The following CACNA1E variants were observed in gnomAD, a reference collection of about 807,000 sequenced individuals.
The protein encoded by CACNA1E is calcium voltage-gated channel subunit alpha1 E.
In CACNA1E, 40 loss-of-function variants were observed where a neutral mutation model predicts 259.2. The observed-to-expected ratio is 0.15, with a 90% confidence interval of 0.12 to 0.20. The LOEUF is 0.20. Among genes scored for constraint, CACNA1E ranks in the 10% least tolerant of loss-of-function variants. The pLI is 1.00. For synonymous variants in CACNA1E, 1,104 were observed against 1,138.5 expected (o/e 0.97, Z 0.61); for missense variants, 1,874 against 3,040.1 (o/e 0.62, Z 9.02).
intron 1 of CACNA1E, among the ~76,000 whole-genome samples, chr1:181,495,524 G>A (rs1211982096): frequency 6.6e-6 from 1 of 152,212 alleles, no homozygotes; most frequent in Non-Finnish European, 1.5e-5. Flanking sequence ...TTGGTTATTA[G>A]TATATGGTTA....
At chr1:181,605,782 A>G (rs559086082) in intron 6 of CACNA1E, among the ~76,000 whole-genome samples, 2 of 152,162 alleles carry the variant, frequency 1.3e-5, no homozygotes, top group African/African-American at 2.4e-5. Context: ...AGGGTGTGTC[A>G]TCTTCTTGAG....
intron 25 of CACNA1E, among the ~76,000 whole-genome samples, chr1:181,742,546 G>C (rs1014483140): frequency 1.3e-5 from 2 of 152,148 alleles, no homozygotes; most frequent in Non-Finnish European, 2.9e-5. Flanking sequence ...ATAAACTTGA[G>C]CTATGGTGGT....
intron 7 of CACNA1E, among the ~76,000 whole-genome samples, chr1:181,680,494 G>C (rs1453221612): frequency 6.6e-6 from 1 of 152,158 alleles, no homozygotes; most frequent in Non-Finnish European, 1.5e-5. Context: ...ACAGGGCCGG[G>C]AAAGTCAAGA....
intron 1 of CACNA1E, among the ~76,000 whole-genome samples, chr1:181,342,339 G>A (rs370307859): frequency 6.6e-6 from 1 of 152,070 alleles, no homozygotes; most frequent in African/African-American, 2.4e-5. Flanking sequence ...AAGCAGAGGA[G>A]TGACAGGCTC....
chr1:181,786,695 T>C (rs1361329224), intron 43 of CACNA1E, among the ~76,000 whole-genome samples: 2 of 152,232 alleles, frequency 1.3e-5, no homozygotes, highest in East Asian at 1.9e-4. Context: ...TTCTACTCAA[T>C]GTAAATGAGC....
Position 181,510,585 on chromosome 1 carries a change from ATGTGATTCCCCTCC to A in CACNA1E, c.372+5_372+18del, listed in dbSNP as rs1487857440. 2 of 1,576,662 alleles carry A rather than the reference ATGTGATTCCCCTCC, an allele frequency of 1.3e-6. No homozygotes were observed. Among genetic ancestry groups the A allele is most frequent in the African/African-American group, 1.3e-5 (1 of 74,178 alleles). ...AGACCCCCATGTCCCGAAGACTGGT[ATGTGATTCCCCTCC>A]TTCTCCCCTTTGCCCCTTTTGTCTT... On this transcript the variant is annotated splice_donor_5th_base_variant and intron_variant, in intron 2 of 47. Transcript: ENST00000367573.
intron 3 of CACNA1E, among the ~76,000 whole-genome samples, chr1:181,550,349 C>G (rs1647993523): frequency 6.6e-6 from 1 of 152,014 alleles, no homozygotes; most frequent in South Asian, 2.1e-4. Flanking sequence ...GTGTGGTGCC[C>G]TATAGAAAGG....
intron 7 of CACNA1E, among the ~76,000 whole-genome samples, chr1:181,684,112 C>T (rs929606962): frequency 6.6e-6 from 1 of 152,088 alleles, no homozygotes; most frequent in African/African-American, 2.4e-5. Flanking sequence ...AGTGTATACG[C>T]GTTCCCTTTT....
At chr1:181,593,905 A>G (rs112947098) in intron 6 of CACNA1E, among the ~76,000 whole-genome samples, 27,090 of 152,208 alleles carry the variant, frequency 0.18, 3,301 homozygotes, top group African/African-American at 0.34. Flanking sequence ...TTCCTGAATG[A>G]GCTGGGGCTG....
rs147257862 is a variant in CACNA1E at position 181,515,115 on chromosome 1, G to T, written c.512+3605G>T. Among the ~76,000 whole-genome samples the T allele has an allele frequency of 1.9e-3, 293 of 152,068 alleles. 1 individual carries two copies. The highest frequency in any genetic ancestry group is 6.7e-3 in the African/African-American group (280 of 41,534). The stretch of plus-strand genomic sequence containing the variant: ...ACTTCACAACCCCAAGGGCCCCATG[G>T]TTCTAAGGCTCTGTGGTTGCAGGTT... On this transcript the variant is annotated intron_variant, in intron 3 of 47. Coordinates refer to ENST00000367573, the MANE Select transcript of CACNA1E (RefSeq NM_001205293.3).
chr1:181,318,256 T>G (rs1650054870), intron 1 of CACNA1E: 1 of 152,228 alleles, frequency 6.6e-6, no homozygotes. Flanking sequence ...GGGGGATGCA[T>G]GGACCTTGGA....
chr1:181,739,366 C>G (rs1416428699), intron 25 of CACNA1E, 113 bp downstream of exon 25: 2 of 780,634 alleles, frequency 2.6e-6, no homozygotes, highest in Non-Finnish European at 4.4e-6. Flanking sequence ...AAAGAATGCC[C>G]CCGCTGGAAA....
At chr1:181,660,015 G>C (rs534868168) in intron 7 of CACNA1E, among the ~76,000 whole-genome samples, 41 of 152,162 alleles carry the variant, frequency 2.7e-4, no homozygotes, top group Non-Finnish European at 5.0e-4. Flanking sequence ...ATGTGTATGT[G>C]CATTGATGTA....
In CACNA1E at chr1:181,795,011, C is replaced by A; in HGVS notation, c.6175C>A (p.Arg2059=). 1.2e-6 allele frequency: 2 copies of A among 1,613,954 alleles called. No individual in the cohort carries two copies. Among genetic ancestry groups the A allele is most frequent in the Non-Finnish European group, 1.7e-6 (2 of 1,179,858 alleles). The stretch of plus-strand genomic sequence containing the variant: ...TCGCCGGAGTTACCACTCCTCCTTG[C>A]GGCTGTCAGCCCACCGCCTGAACTC... ...SRRRSYHSSL[R]LSAHRLNSDS... The change falls in exon 46 of 48, where the codon CGG becomes AGG. Residue 2059 remains arginine, a synonymous_variant. Transcript: ENST00000367573.
chr1:181,578,006 G>A, intron 4 of CACNA1E, 137 bp downstream of exon 4: 1 of 508,610 alleles, frequency 2.0e-6, no homozygotes, highest in East Asian at 3.2e-5. Flanking sequence ...AAATAGTGGA[G>A]ATGGAGCAAT....
chr1:181,463,214 T>C lies in CACNA1E; in HGVS notation c.435-20530T>C, dbSNP rs147734102. 2.1e-3 allele frequency among the ~76,000 whole-genome samples: 314 copies of C among 152,268 alleles called. 1 individual carries two copies. The highest frequency in any genetic ancestry group is 7.3e-3 in the African/African-American group (303 of 41,572). On this transcript the variant is annotated intron_variant, in intron 2 of 11. Coordinates refer to the CACNA1E transcript ENST00000524607. ...TAAATTAGACACAGGAAGAGATGAA[T>C]AATAACTATTAATAAAATAGAACAA... is the stretch of plus-strand genomic sequence containing the variant.
chr1:181,329,730 C>T (rs959535298), intron 1 of CACNA1E, among the ~76,000 whole-genome samples: 5 of 152,190 alleles, frequency 3.3e-5, no homozygotes, highest in Non-Finnish European at 5.9e-5. Flanking sequence ...TCCCCTATGA[C>T]ACTCTCTTAT....
intron 45 of CACNA1E, among the ~76,000 whole-genome samples, chr1:181,794,186 G>T (rs1044657834): frequency 6.6e-6 from 1 of 152,170 alleles, no homozygotes; most frequent in Non-Finnish European, 1.5e-5. Context: ...ACCAGTGCAG[G>T]CCACATCTCA....
chr1:181,428,657 G>A (rs1442333100), intron 2 of CACNA1E, among the ~76,000 whole-genome samples: 1 of 152,132 alleles, frequency 6.6e-6, no homozygotes, highest in Non-Finnish European at 1.5e-5. Context: ...TGGTTCTGCT[G>A]CAGGACAGTG....
Sources: gnomAD v4.1 joint callset for allele counts (sites outside exome capture counted in the v4.1 genomes callset) on GRCh38, gnomAD v4.1.1 for gene constraint, MANE v1.5 for transcripts, NCBI Gene and HGNC (gene_info 2026-07-23, HGNC 2026-07-21) for gene names.